Variants in ITSN2 observed in about 807,000 individuals in gnomAD.
The protein encoded by ITSN2 is intersectin-2.
Under a neutral mutation model 243.7 loss-of-function variants are expected in ITSN2, and 156 were observed. The observed-to-expected ratio is 0.64, with a 90% CI of 0.56 to 0.73. ITSN2 has a LOEUF of 0.73. Among genes scored for constraint, ITSN2 ranks in the 30% least tolerant of loss-of-function variants. The probability of loss-of-function intolerance (pLI) is 0.00; values close to 1 mark genes in which losing one functional copy is unlikely to be tolerated. For synonymous variants in ITSN2, 703 were observed against 699.9 expected, an observed-to-expected ratio of 1.00 and a Z score of -0.07; for missense variants, 1,801 against 1,996.1, an observed-to-expected ratio of 0.90 and a Z score of 1.86.
At chr2:24,257,145 C>T (rs772606266) in intron 23 of ITSN2, among the ~76,000 whole-genome samples, 1 of 152,050 alleles carries the variant, frequency 6.6e-6, no homozygotes, top group Non-Finnish European at 1.5e-5. Context: ...CACAGCAAAA[C>T]CCCACCTCTA....
intron 37 of ITSN2, among the ~76,000 whole-genome samples, chr2:24,206,586 T>C (rs927421272): frequency 1.3e-5 from 2 of 150,122 alleles, no homozygotes; most frequent in Non-Finnish European, 3.0e-5. Context: ...GGGTGGGGGG[T>C]GCTTTACAAA....
intron 37 of ITSN2, 70 bp from the exon 38 acceptor site, chr2:24,205,367 C>T: frequency 7.7e-7 from 1 of 1,305,666 alleles, no homozygotes; most frequent in Non-Finnish European, 1.1e-6. Flanking sequence ...TCAAACCAAC[C>T]ATAACACTAC....
intron 2 of ITSN2, among the ~76,000 whole-genome samples, chr2:24,318,916 G>C (rs1684238119): frequency 6.6e-6 from 1 of 152,196 alleles, no homozygotes; most frequent in East Asian, 1.9e-4. Context: ...CCTCCTGTCA[G>C]ATCAGTGGCA....
At position 24,227,155 on chromosome 2, in the gene ITSN2, G is replaced by T. The variant is rs375439521; in HGVS notation, c.3578-6089C>A. 7.2e-5 allele frequency among the ~76,000 whole-genome samples: 11 copies of T among 151,912 alleles called. No homozygotes were observed. The South Asian group carries it at 2.3e-3, about 32-fold the overall frequency. On this transcript the variant is annotated intron_variant, in intron 29 of 39. Transcript: ENST00000355123. ...AAAAACAAAAAACAACACAAAAATTGGTCACTAGCTGGTGATACCCTTAGG... is the reference window on the plus strand; with the variant it reads ...AAAAACAAAAAACAACACAAAAATTTGTCACTAGCTGGTGATACCCTTAGG...
In ITSN2 at chr2:24,232,008, C is replaced by G. The variant is rs551636925; in HGVS notation, c.3578-10942G>C. On this transcript the variant is annotated intron_variant, in intron 29 of 39. Coordinates refer to ENST00000355123, the MANE Select transcript of ITSN2 (RefSeq NM_006277.3). ...GTTTTATCAGGACACTAGAAAGTTA[C>G]AAGATATTTTATGTTGTAAAAGAAT... Among the ~76,000 whole-genome samples the G allele has an allele frequency of 1.0e-3, 153 of 152,288 alleles. 1 individual carries two copies. The highest frequency in any genetic ancestry group is 3.6e-3 in the African/African-American group (149 of 41,566).
intron 12 of ITSN2, among the ~76,000 whole-genome samples, chr2:24,299,122 T>C (rs1681396810): frequency 6.8e-6 from 1 of 147,792 alleles, no homozygotes; most frequent in Admixed American, 6.8e-5. Context: ...CTCCACCACC[T>C]GGGCTCAAGC....
rs138099875 is a variant in ITSN2 at position 24,339,960 on chromosome 2, C to A, written c.-33-11845G>T. 1.5e-3 allele frequency among the ~76,000 whole-genome samples: 226 copies of A among 151,886 alleles called. 1 individual carries two copies. Among genetic ancestry groups the A allele is most frequent in the African/African-American group, 5.1e-3 (212 of 41,408 alleles). On this transcript the variant is annotated intron_variant, in intron 1 of 39. Transcript: ENST00000355123. ...AGGAGGTGAAAGGATCATTTGAGCC[C>A]GGGAGTTCAAGGTTACAATGAGCTA...
intron 29 of ITSN2, among the ~76,000 whole-genome samples, chr2:24,231,570 A>G (rs1487902145): frequency 6.6e-6 from 1 of 152,218 alleles, no homozygotes; most frequent in African/African-American, 2.4e-5. Flanking sequence ...CTGTGGGAGG[A>G]TGTGGAGACT....
At chr2:24,275,617 C>G in intron 18 of ITSN2, 96 bp downstream of exon 18, 1 of 998,512 alleles carries the variant, frequency 1.0e-6, no homozygotes, top group Non-Finnish European at 1.4e-6. Flanking sequence ...AGGATAATCC[C>G]TTTATTTTCC....
chr2:24,222,243 C>A (rs375808065), intron 29 of ITSN2, among the ~76,000 whole-genome samples: 1 of 93,452 alleles, frequency 1.1e-5, no homozygotes. Context: ...AAGAGCAAGA[C>A]TTCATCTCCA....
At chr2:24,220,713 T>G (rs1258875594) in intron 30 of ITSN2, 34 of 1,326,072 alleles carry the variant, frequency 2.6e-5, no homozygotes, top group Non-Finnish European at 3.2e-5. Flanking sequence ...TCACTCTGAG[T>G]GACCTCATCT....
At chr2:24,295,908 A>G (rs1680903673) in intron 13 of ITSN2, 104 bp from the exon 14 acceptor site, 1 of 843,768 alleles carries the variant, frequency 1.2e-6, no homozygotes. Context: ...CTCAGTTATC[A>G]TTCATATTCA....
chr2:24,203,961 G>C (rs1446296098), intron 39 of ITSN2, 178 bp from the exon 40 acceptor site: 3 of 664,564 alleles, frequency 4.5e-6, no homozygotes, highest in Non-Finnish European at 5.1e-6. Flanking sequence ...GTTTGTGTGT[G>C]AGAAGCTGCC....
chr2:24,275,131 A>G (rs1677855794), intron 18 of ITSN2, among the ~76,000 whole-genome samples: 2 of 152,242 alleles, frequency 1.3e-5, no homozygotes, highest in Non-Finnish European at 2.9e-5. Flanking sequence ...ATGATCTTTC[A>G]GGAAACTAAT....
chr2:24,249,576 T>A lies in ITSN2; in HGVS notation c.3121-694A>T, dbSNP rs1673842828. 6.6e-6 allele frequency among the ~76,000 whole-genome samples: 1 copy of A among 152,232 alleles called. No individual in the cohort carries two copies. The highest frequency in any genetic ancestry group is 1.9e-4 in the East Asian group (1 of 5,204). On this transcript the variant is annotated intron_variant, in intron 25 of 39. Transcript: ENST00000355123. The surrounding 1 kb of genome is among the most constrained non-coding windows in gnomAD (Gnocchi z 4.4). The stretch of plus-strand genomic sequence containing the variant: ...AGCAGAGTGGATGGTAGTTAAAAGC[T>A]AACATTTTCTGAGTACTGTATAACA...
At chr2:24,265,280 C>A (rs745323623) in intron 20 of ITSN2, among the ~76,000 whole-genome samples, 1 of 152,214 alleles carries the variant, frequency 6.6e-6, no homozygotes, top group Non-Finnish European at 1.5e-5. Context: ...CAATTTTTCT[C>A]AATAAAACTT....
Position 24,271,912 on chromosome 2 carries a change from C to T in ITSN2, c.2111G>A (p.Trp704Ter). The stretch of plus-strand genomic sequence containing the variant: ...TTCCTCCTTTCTAAGATTTTCTTTC[C>T]ATAAGTTTTCTTTTCCTTGCTTTGC... The part of the protein sequence containing the change: ...RKAKQGKENL[W>*]KENLRKEEEE... The change falls in exon 19 of 40, where the codon TGG (tryptophan) becomes TAG (stop). Residue 704 changes from tryptophan (W) to a stop codon, truncating the protein, a stop_gained. Coordinates refer to ENST00000355123, the MANE Select transcript of ITSN2 (RefSeq NM_006277.3). LOFTEE classifies it high-confidence loss of function. 3 of 1,418,198 alleles carry T rather than the reference C, an allele frequency of 2.1e-6. No homozygotes were observed. Among genetic ancestry groups the T allele is most frequent in the Non-Finnish European group, 2.8e-6 (3 of 1,057,584 alleles). 87.9% of individuals were successfully genotyped at this position (1,418,198 alleles called of 1,614,324 possible).
At chr2:24,292,475 G>A (rs1399015863) in intron 15 of ITSN2, among the ~76,000 whole-genome samples, 1 of 152,170 alleles carries the variant, frequency 6.6e-6, no homozygotes, top group Non-Finnish European at 1.5e-5. Flanking sequence ...CACTGTCTGA[G>A]CAGGGACATG....
At chr2:24,252,108 TA>T (rs1674414603) in intron 25 of ITSN2, among the ~76,000 whole-genome samples, 1 of 152,210 alleles carries the variant, frequency 6.6e-6, no homozygotes, top group African/African-American at 2.4e-5. Flanking sequence ...CTCTTGTTCT[TA>T]GAATTTCATG....
Sources: allele counts gnomAD v4.1 joint callset (sites outside exome capture counted in the v4.1 genomes callset), GRCh38; gene constraint gnomAD v4.1.1; non-coding constraint Gnocchi (gnomAD v3.1); transcripts MANE v1.5; gene names NCBI Gene and HGNC (gene_info 2026-07-23, HGNC 2026-07-21).